DOP1B: variants seen among roughly 807,000 people sequenced by gnomAD.
The protein encoded by DOP1B is DOP1 leucine zipper like protein B.
Under a neutral mutation model 233.5 loss-of-function variants are expected in DOP1B, and 174 were observed. That is an observed-to-expected ratio of 0.75 (90% CI 0.66 to 0.85). DOP1B has a LOEUF of 0.85. DOP1B is among the 40% of genes least tolerant of loss of function. The pLI, the probability that DOP1B is intolerant of heterozygous loss-of-function variation, is 0.00. For missense variants in DOP1B, 2,652 were observed against 2,846.6 expected, an observed-to-expected ratio of 0.93 and a Z score of 1.56; for synonymous variants, 1,190 against 1,185.6, an observed-to-expected ratio of 1.00 and a Z score of -0.08.
intron 10 of DOP1B, among the ~76,000 whole-genome samples, chr21:36,220,504 C>A (rs774654595): frequency 4.6e-5 from 7 of 151,700 alleles, no homozygotes; most frequent in Non-Finnish European, 8.8e-5. Context: ...TTTTTGTTTT[C>A]TTGTTGGTTT....
At chr21:36,279,647 C>G (rs2067393803) in intron 30 of DOP1B, among the ~76,000 whole-genome samples, 1 of 152,084 alleles carries the variant, frequency 6.6e-6, no homozygotes, top group African/African-American at 2.4e-5. Flanking sequence ...CTTCACTATC[C>G]CACTCTTTTC....
In DOP1B at chr21:36,211,591, T is replaced by C. The variant is rs751415510; in HGVS notation, c.720T>C (p.Val240=). ...SLRASLLDSN[V]LVQRNNLEIV... ...GTGCCTCCCTGTTGGACTCAAATGT[T>C]CTTGTGCAAAGAAATAATCTGGAAA... The change falls in exon 6 of 37, where the codon GTT becomes GTC. Residue 240 remains valine, a synonymous_variant. Coordinates refer to ENST00000691173, the MANE Select transcript of DOP1B (RefSeq NM_001320714.2). The C allele has an allele frequency of 6.2e-6, 10 of 1,614,124 alleles. No homozygotes were observed. In the Admixed American group the frequency reaches 1.7e-4, roughly 27 times the overall value.
intron 15 of DOP1B, 102 bp from the exon 16 acceptor site, chr21:36,237,160 T>G (rs2066837056): frequency 5.5e-4 from 794 of 1,436,738 alleles, no homozygotes; most frequent in Non-Finnish European, 7.0e-4. Flanking sequence ...CAAGTATAGG[T>G]GAGATCCAGT....
intron 12 of DOP1B, among the ~76,000 whole-genome samples, chr21:36,226,354 A>G (rs1475045672): frequency 9.4e-5 from 14 of 149,018 alleles, no homozygotes; most frequent in Non-Finnish European, 1.2e-4. Context: ...CTGGAGTGCA[A>G]TGGTGTGATC....
intron 23 of DOP1B, among the ~76,000 whole-genome samples, chr21:36,256,207 C>T (rs1354091563): frequency 1.3e-5 from 2 of 152,064 alleles, no homozygotes; most frequent in Admixed American, 1.3e-4. Context: ...GTGGCTCATG[C>T]CTGTAGTCCT....
At chr21:36,234,949 C>T (rs1240214098) in intron 15 of DOP1B, among the ~76,000 whole-genome samples, 2 of 152,048 alleles carry the variant, frequency 1.3e-5, no homozygotes, top group Non-Finnish European at 2.9e-5. Flanking sequence ...ATTAGCATAC[C>T]CATCACCTTA....
At chr21:36,261,237 C>T (rs531306418) in intron 24 of DOP1B, 24 of 861,134 alleles carry the variant, frequency 2.8e-5, no homozygotes, top group African/African-American at 7.4e-5. Context: ...TGGTGGCGTG[C>T]GCCTGTAATC....
chr21:36,165,109 T>C (rs1319950680), intron 2 of DOP1B, among the ~76,000 whole-genome samples: 1 of 152,172 alleles, frequency 6.6e-6, no homozygotes, highest in African/African-American at 2.4e-5. Context: ...CCTCCAGTGT[T>C]ACCCACTGTT....
Position 36,211,453 on chromosome 21 carries a change from A to G in DOP1B, c.682-100A>G, listed in dbSNP as rs2066497388. 32 of 1,069,424 alleles carry G rather than the reference A, an allele frequency of 3.0e-5. No individual in the cohort carries two copies. In the South Asian group the frequency reaches 3.7e-4, roughly 12 times the overall value. The allele number at this position is 1,069,424 out of a possible 1,614,324, so 66.2% of individuals were successfully genotyped here. ...GTGGCTGCTGGTTCTCTTCTGAGTG[A>G]TATAACGCAGGAGTTTCAAGATTCC... On this transcript the variant is annotated intron_variant, in intron 5 of 36. Coordinates refer to ENST00000691173, the MANE Select transcript of DOP1B (RefSeq NM_001320714.2).
At chr21:36,171,649 C>CG (rs1568998311) in intron 2 of DOP1B, among the ~76,000 whole-genome samples, 1 of 152,104 alleles carries the variant, frequency 6.6e-6, no homozygotes, top group Non-Finnish European at 1.5e-5. Context: ...CTCCTAGCAG[C>CG]GGGGGGAGAG....
intron 26 of DOP1B, among the ~76,000 whole-genome samples, chr21:36,267,516 T>C (rs1361939278): frequency 6.6e-6 from 1 of 151,986 alleles, no homozygotes; most frequent in Non-Finnish European, 1.5e-5. Flanking sequence ...AGACCCCATC[T>C]CTACAAGAAA....
rs141806687 is a variant in DOP1B at position 36,229,168 on chromosome 21, A to AT, written c.1666-1281dup. 5.5e-3 allele frequency among the ~76,000 whole-genome samples: 837 copies of AT among 152,270 alleles called. 12 individuals carry two copies. Among genetic ancestry groups the AT allele is most frequent in the African/African-American group, 0.02 (812 of 41,560 alleles). ...TTTGGTTATTTCGAATATAAGCGAG[A>AT]TGAGGTACTGGATTAGTTTGCTGGG... On this transcript the variant is annotated intron_variant, in intron 13 of 36. Coordinates refer to ENST00000691173, the MANE Select transcript of DOP1B (RefSeq NM_001320714.2).
At position 36,164,876 on chromosome 21, in the gene DOP1B, G is replaced by A; in HGVS notation, c.138+5G>A. 1.9e-6 allele frequency: 3 copies of A among 1,598,850 alleles called. No homozygotes were observed. Among genetic ancestry groups the A allele is most frequent in the Non-Finnish European group, 2.6e-6 (3 of 1,173,434 alleles). On this transcript the variant is annotated splice_donor_5th_base_variant and intron_variant, in intron 2 of 36. Transcript: ENST00000691173. ...TCACTTGGCAAACTCAACAAGGTATGTAGGGTGTATCCTATTTGGATTGCA... is the reference window on the plus strand; with the variant it reads ...TCACTTGGCAAACTCAACAAGGTATATAGGGTGTATCCTATTTGGATTGCA...
intron 2 of DOP1B, among the ~76,000 whole-genome samples, chr21:36,176,896 A>G (rs2066038278): frequency 6.6e-6 from 1 of 151,900 alleles, no homozygotes; most frequent in African/African-American, 2.4e-5. Context: ...TTGGCTCACT[A>G]CAACCTCCAC....
intron 4 of DOP1B, among the ~76,000 whole-genome samples, chr21:36,203,740 T>A (rs2066398189): frequency 6.6e-6 from 1 of 152,030 alleles, no homozygotes; most frequent in African/African-American, 2.4e-5. Context: ...TTCATGTAGG[T>A]GGAGGCTGTC....
rs189803648 is a variant in DOP1B, at chr21:36,246,023, G to A, written c.4043G>A (p.Ser1348Asn). The A allele has an allele frequency of 8.1e-6, 13 of 1,613,986 alleles. No homozygotes were observed. The highest frequency in any genetic ancestry group is 6.7e-5 in the Admixed American group (4 of 59,986). ...GGCAACCGGGACGTGCAGGTCAAAA[G>A]TGTCGAGGTTTTGATCAGGATAATG... ...ILGNRDVQVK[S>N]VEVLIRIMMQ... Residue 1348 changes from serine to asparagine, a missense_variant, in exon 19 of 37, where the codon AGT (serine) becomes AAT (asparagine). Coordinates refer to ENST00000691173, the MANE Select transcript of DOP1B (RefSeq NM_001320714.2). The surrounding 1 kb of genome is among the most constrained non-coding windows in gnomAD (Gnocchi z 5.1).
chr21:36,214,973 G>T (rs1056781703), intron 9 of DOP1B, among the ~76,000 whole-genome samples: 7 of 152,310 alleles, frequency 4.6e-5, no homozygotes, highest in Admixed American at 2.6e-4. Context: ...AGCCCAGGGG[G>T]TCGAGGCTGC....
At chr21:36,239,744 C>A in intron 17 of DOP1B, 21 bp from the exon 18 acceptor site, 1 of 1,515,498 alleles carries the variant, frequency 6.6e-7, no homozygotes, top group Non-Finnish European at 8.9e-7. Flanking sequence ...AGTGAACTCA[C>A]TGGTGTGTTT....
chr21:36,160,533 G>A (rs1372700300), intron 1 of DOP1B, among the ~76,000 whole-genome samples: 4 of 147,136 alleles, frequency 2.7e-5, no homozygotes, highest in African/African-American at 1.0e-4. Flanking sequence ...GCTGGAGTGC[G>A]GTGGCACAAT....
Sources: gnomAD v4.1 joint callset for allele counts (sites outside exome capture counted in the v4.1 genomes callset) on GRCh38, gnomAD v4.1.1 for gene constraint, Gnocchi (gnomAD v3.1) non-coding constraint, MANE v1.5 for transcripts, NCBI Gene and HGNC (gene_info 2026-07-23, HGNC 2026-07-21) for gene names.